DIABLO: variants seen among roughly 807,000 people sequenced by gnomAD.
DIABLO encodes diablo IAP-binding mitochondrial protein.
In DIABLO, 32 loss-of-function variants were observed where a neutral mutation model predicts 31.7. That is an observed-to-expected ratio of 1.01 (90% CI 0.76 to 1.35). DIABLO has a LOEUF of 1.35. Ranked by LOEUF, DIABLO falls within the 40% of genes most tolerant of loss-of-function variation. The pLI is 0.00. For synonymous variants in DIABLO, 132 were observed against 103.2 expected, an observed-to-expected ratio of 1.28 and a Z score of -1.69; for missense variants, 316 against 286.4, an observed-to-expected ratio of 1.10 and a Z score of -0.75.
intron 5 of DIABLO, among the ~76,000 whole-genome samples, chr12:122,214,120 A>T (rs1372498985): frequency 6.6e-6 from 1 of 152,132 alleles, no homozygotes; most frequent in Non-Finnish European, 1.5e-5. Context: ...CAACAACAAA[A>T]AAAACCTTCT....
At chr12:122,213,835 A>G (rs894378888) in intron 5 of DIABLO, among the ~76,000 whole-genome samples, 3 of 152,164 alleles carry the variant, frequency 2.0e-5, no homozygotes, top group Non-Finnish European at 2.9e-5. Context: ...CTGTAATCCC[A>G]GCACTTTGGG....
intron 5 of DIABLO, among the ~76,000 whole-genome samples, chr12:122,214,910 C>T (rs922008895): frequency 5.9e-5 from 9 of 152,020 alleles, no homozygotes; most frequent in East Asian, 1.9e-4. Context: ...AGGGTAGTGT[C>T]AAACTCTTGA....
chr12:122,218,292 TC>T lies in DIABLO; in HGVS notation c.288del (p.Ile97LeufsTer14). The T allele has an allele frequency of 6.2e-7, 1 of 1,614,110 alleles. No homozygotes were observed. Among genetic ancestry groups the T allele is most frequent in the Non-Finnish European group, 8.5e-7 (1 of 1,179,996 alleles). The stretch of plus-strand genomic sequence containing the variant: ...TTAGTATATTCAGTAATAGCTTCAA[TC>T]AACGCATATGTGGTCTGAGAGAGAA... Reference protein sequence around the residue: ...STFLSQTTYALIEAITEYTKA... With the variant: ...STFLSQTTYAXIEAITEYTKA... On this transcript the variant is annotated frameshift_variant, in exon 3 of 6. Coordinates refer to ENST00000464942, the MANE Select transcript of DIABLO (RefSeq NM_001371333.1). LOFTEE classifies it high-confidence loss of function.
intron 4 of DIABLO, 30 bp downstream of exon 4, chr12:122,216,729 A>G: frequency 6.2e-7 from 1 of 1,602,204 alleles, no homozygotes; most frequent in Non-Finnish European, 8.6e-7. Flanking sequence ...AGGTGCACTA[A>G]CACAGAAATG....
At chr12:122,212,085 C>T (rs1033848428) in intron 5 of DIABLO, among the ~76,000 whole-genome samples, 2 of 151,006 alleles carry the variant, frequency 1.3e-5, no homozygotes, top group Non-Finnish European at 2.9e-5. Context: ...ATCCATCTGA[C>T]TTGGCCTTCC....
At chr12:122,215,109 A>G (rs1217016463) in intron 5 of DIABLO, among the ~76,000 whole-genome samples, 1 of 152,054 alleles carries the variant, frequency 6.6e-6, no homozygotes, top group East Asian at 1.9e-4. Context: ...GAGGAACAAC[A>G]TGACGAAACC....
intron 2 of DIABLO, chr12:122,221,143 A>G (rs1032788135): frequency 6.6e-6 from 1 of 152,236 alleles, no homozygotes; most frequent in African/African-American, 2.4e-5. Flanking sequence ...CAAATATCAA[A>G]ATATACAATA....
intron 2 of DIABLO, chr12:122,218,781 AAAAT>A: frequency 1.0e-5 from 3 of 293,840 alleles, no homozygotes; most frequent in Non-Finnish European, 2.0e-5. Flanking sequence ...CTCTACTAAA[AAAAT>A]ACAAAAATTA....
At chr12:122,217,914 T>G (rs559818440) in intron 3 of DIABLO, 4 of 303,698 alleles carry the variant, frequency 1.3e-5, no homozygotes, top group South Asian at 9.6e-5. Context: ...CCTGTGCCCT[T>G]AACTGAACCA....
chr12:122,218,402 A>G lies in DIABLO; in HGVS notation c.184-5T>C. ...AAGGGAATGAGGCTCTGATTTCTGAAAGACACAAACATTGTCACTCAACCT... is the reference window on the plus strand; with the variant it reads ...AAGGGAATGAGGCTCTGATTTCTGAGAGACACAAACATTGTCACTCAACCT... On this transcript the variant is annotated splice_polypyrimidine_tract_variant and splice_region_variant and intron_variant, in intron 2 of 5. Transcript: ENST00000464942. 1 of 1,614,118 alleles carries G rather than the reference A, an allele frequency of 6.2e-7. No individual in the cohort carries two copies. The highest frequency in any genetic ancestry group is 2.2e-5 in the East Asian group (1 of 44,866).
At chr12:122,214,448 C>T (rs1954159908) in intron 5 of DIABLO, among the ~76,000 whole-genome samples, 1 of 152,170 alleles carries the variant, frequency 6.6e-6, no homozygotes, top group Non-Finnish European at 1.5e-5. Flanking sequence ...TTTTTTGAGA[C>T]AGGGTCTAGC....
At chr12:122,225,764 C>T (rs1455675672) in intron 1 of DIABLO, 2 of 1,440,092 alleles carry the variant, frequency 1.4e-6, no homozygotes, top group Non-Finnish European at 1.8e-6. Context: ...GATGGACGAA[C>T]TGAAAAGGAA....
At chr12:122,219,674 G>A (rs749274509) in intron 2 of DIABLO, among the ~76,000 whole-genome samples, 1 of 151,608 alleles carries the variant, frequency 6.6e-6, no homozygotes, top group Non-Finnish European at 1.5e-5. Context: ...GGCCAACATG[G>A]CGAAACCCCA....
At chr12:122,211,415 C>G (rs998190700) in intron 5 of DIABLO, among the ~76,000 whole-genome samples, 1 of 151,710 alleles carries the variant, frequency 6.6e-6, no homozygotes, top group Non-Finnish European at 1.5e-5. Context: ...AAAAAACAAT[C>G]ACACTGAGCT....
intron 5 of DIABLO, among the ~76,000 whole-genome samples, chr12:122,215,989 T>C (rs1345801719): frequency 6.6e-6 from 1 of 151,310 alleles, no homozygotes; most frequent in East Asian, 1.9e-4. Context: ...ATCTGCCCTC[T>C]AGTTTCTTCA....
chr12:122,214,919 GACCTCAAGTGACCC>G (rs767809068), intron 5 of DIABLO, among the ~76,000 whole-genome samples: 198 of 152,202 alleles, frequency 1.3e-3, no homozygotes, highest in African/African-American at 4.2e-3. Context: ...TCAAACTCTT[GACCTCAAGTGACCC>G]ACCTCAAGTG....
At chr12:122,218,990 T>G (rs1482821088) in intron 2 of DIABLO, among the ~76,000 whole-genome samples, 1 of 140,302 alleles carries the variant, frequency 7.1e-6, no homozygotes, top group African/African-American at 2.7e-5. Context: ...ATCCCAGCAC[T>G]TTGGGAGGCT....
At chr12:122,226,703 A>G (rs762536942), upstream of DIABLO, 3 of 588,106 alleles carry the variant, frequency 5.1e-6, no homozygotes, top group South Asian at 6.0e-5. Flanking sequence ...GACCTCCCCA[A>G]CAGCCTCCTG....
At chr12:122,225,791 G>A in intron 1 of DIABLO, 174 bp downstream of exon 1, 2 of 1,457,128 alleles carry the variant, frequency 1.4e-6, no homozygotes, top group Non-Finnish European at 1.8e-6. Flanking sequence ...CTTGACCCAG[G>A]GGGCGGAGGC....
Sources: allele counts gnomAD v4.1 joint callset (sites outside exome capture counted in the v4.1 genomes callset), GRCh38; gene constraint gnomAD v4.1.1; transcripts MANE v1.5; gene names NCBI Gene and HGNC (gene_info 2026-07-23, HGNC 2026-07-21).